Variants in SAMD13 observed in about 807,000 individuals in gnomAD.
SAMD13 encodes sterile alpha motif domain-containing protein 13.
A neutral mutation model predicts 12.4 loss-of-function variants in SAMD13; 9 were observed. The ratio of observed to expected loss-of-function variants is 0.72; its 90% CI spans 0.44 to 1.26. SAMD13 has a LOEUF of 1.26. Ranked by LOEUF, SAMD13 falls within the 50% of genes most tolerant of loss-of-function variation. The pLI is 0.00. For missense variants in SAMD13, 84 were observed against 119.6 expected (o/e 0.70, Z 1.39); for synonymous variants, 46 against 45.4 (o/e 1.01, Z -0.05).
chr1:84,325,571 T>A (rs936343116), intron 2 of SAMD13, 66 bp from the exon 3 acceptor site: 8 of 953,510 alleles, frequency 8.4e-6, no homozygotes, highest in Admixed American at 1.8e-5. Context: ...GAAGACCCAT[T>A]TGTGAGCCTG....
At chr1:84,341,167 A>G (rs1370604792) in intron 3 of SAMD13, among the ~76,000 whole-genome samples, 2 of 152,166 alleles carry the variant, frequency 1.3e-5, no homozygotes, top group African/African-American at 2.4e-5. Context: ...CAGGTTGGTC[A>G]TATCTAACCA....
At chr1:84,332,808 G>A (rs910783915) in intron 3 of SAMD13, among the ~76,000 whole-genome samples, 4 of 151,976 alleles carry the variant, frequency 2.6e-5, no homozygotes, top group African/African-American at 7.2e-5. Flanking sequence ...TTGCCAGGGC[G>A]TATGTCCAGA....
intron 2 of SAMD13, among the ~76,000 whole-genome samples, chr1:84,305,246 C>G (rs1176848656): frequency 6.6e-6 from 1 of 152,050 alleles, no homozygotes; most frequent in Non-Finnish European, 1.5e-5. Context: ...AGTTTTATTT[C>G]CCTAATGACT....
chr1:84,327,400 A>G (rs771566311), intron 3 of SAMD13, among the ~76,000 whole-genome samples: 2 of 152,086 alleles, frequency 1.3e-5, no homozygotes, highest in African/African-American at 4.8e-5. Flanking sequence ...AATCAGTGGT[A>G]AAAAAACAAT....
rs562971320 is a variant in SAMD13, at chr1:84,324,484, C to A, written c.54-1153C>A. On this transcript the variant is annotated intron_variant, in intron 2 of 3. Coordinates refer to ENST00000394834, the MANE Select transcript of SAMD13 (RefSeq NM_001134663.2). The stretch of plus-strand genomic sequence containing the variant: ...AACTATCATAGTAAATGATGCTTGT[C>A]CTTCTTAGCATTTAGCATAACTTGC... 3.9e-5 allele frequency among the ~76,000 whole-genome samples: 6 copies of A among 152,306 alleles called. No homozygotes were observed. The East Asian group carries it at 1.2e-3, about 29-fold the overall frequency.
chr1:84,308,709 A>C (rs1195180690), intron 2 of SAMD13, among the ~76,000 whole-genome samples: 1 of 152,226 alleles, frequency 6.6e-6, no homozygotes, highest in Non-Finnish European at 1.5e-5. Flanking sequence ...GTAAAATATT[A>C]ACATTTTGGA....
intron 3 of SAMD13, among the ~76,000 whole-genome samples, chr1:84,328,412 A>G (rs1679104262): frequency 6.6e-6 from 1 of 152,216 alleles, no homozygotes; most frequent in South Asian, 2.1e-4. Flanking sequence ...GAGTTTTGCA[A>G]GCATGGTCCA....
At chr1:84,329,708 G>T (rs1013125276) in intron 3 of SAMD13, among the ~76,000 whole-genome samples, 3 of 152,142 alleles carry the variant, frequency 2.0e-5, no homozygotes, top group Non-Finnish European at 4.4e-5. Context: ...TTCTCTTCTG[G>T]CAATCCTCTT....
At chr1:84,311,178 A>T (rs1678700981) in intron 2 of SAMD13, among the ~76,000 whole-genome samples, 1 of 152,010 alleles carries the variant, frequency 6.6e-6, no homozygotes, top group Non-Finnish European at 1.5e-5. Flanking sequence ...TCTACTAAAA[A>T]TACAAAAATT....
At chr1:84,348,173 C>T (rs1048301178) in intron 3 of SAMD13, among the ~76,000 whole-genome samples, 3 of 152,098 alleles carry the variant, frequency 2.0e-5, no homozygotes, top group Non-Finnish European at 2.9e-5. Context: ...TTTGCAAGAG[C>T]GGTTTCTCAC....
chr1:84,327,492 C>T (rs1414258898), intron 3 of SAMD13, among the ~76,000 whole-genome samples: 3 of 152,076 alleles, frequency 2.0e-5, no homozygotes, highest in South Asian at 4.2e-4. Context: ...GTGATGGTAA[C>T]ATTCTGTATC....
upstream of SAMD13, chr1:84,299,681 T>G (rs199745386): frequency 5.6e-6 from 3 of 538,564 alleles, no homozygotes; most frequent in Admixed American, 1.2e-4. Context: ...ATATATTTAT[T>G]TATTTATTTA....
chr1:84,344,848 C>T (rs781659719), intron 3 of SAMD13: 38 of 455,820 alleles, frequency 8.3e-5, no homozygotes, highest in Non-Finnish European at 1.5e-4. Context: ...GAGGTCTTGT[C>T]TGATGCCAGG....
At chr1:84,333,381 T>C (rs1679231425) in intron 3 of SAMD13, among the ~76,000 whole-genome samples, 1 of 152,196 alleles carries the variant, frequency 6.6e-6, no homozygotes, top group African/African-American at 2.4e-5. Context: ...ATCTCTGATT[T>C]CTTTCAGTAG....
At chr1:84,344,138 A>T (rs957060595) in intron 3 of SAMD13, among the ~76,000 whole-genome samples, 7 of 151,858 alleles carry the variant, frequency 4.6e-5, no homozygotes, top group African/African-American at 1.7e-4. Context: ...GAAAATATTA[A>T]ATAGCACTAG....
At chr1:84,299,677 T>TA (rs768200933), upstream of SAMD13, 10,486 of 310,908 alleles carry the variant, frequency 0.034, 31 homozygotes, top group Non-Finnish European at 0.038. Context: ...ATATATATAT[T>TA]TATTTATTTA....
rs189905272 is a variant in SAMD13, at chr1:84,328,721, A to G, written c.165+2973A>G. Among the ~76,000 whole-genome samples, 50 of 152,222 alleles carry G rather than the reference A, an allele frequency of 3.3e-4. 1 individual carries two copies. The highest frequency in any genetic ancestry group is 1.1e-3 in the African/African-American group (46 of 41,530). Reference sequence around the variant, plus strand: ...CTGGCAATGAACCTAGTTGGTTAGCACCCACTCATCATCCTGATTAGAAAA... The same window carrying G: ...CTGGCAATGAACCTAGTTGGTTAGCGCCCACTCATCATCCTGATTAGAAAA... On this transcript the variant is annotated intron_variant, in intron 3 of 3. Transcript: ENST00000394834.
At chr1:84,308,619 G>A (rs1185625492) in intron 2 of SAMD13, among the ~76,000 whole-genome samples, 1 of 152,058 alleles carries the variant, frequency 6.6e-6, no homozygotes, top group Non-Finnish European at 1.5e-5. Context: ...TAAAGATCAT[G>A]GAATTTTAAA....
chr1:84,340,005 G>A (rs1679389666), intron 3 of SAMD13, among the ~76,000 whole-genome samples: 1 of 152,210 alleles, frequency 6.6e-6, no homozygotes, highest in Admixed American at 6.5e-5. Flanking sequence ...CTATAAAATG[G>A]TGCATCTGTT....
Sources: gnomAD v4.1 joint callset for allele counts (sites outside exome capture counted in the v4.1 genomes callset) on GRCh38, gnomAD v4.1.1 for gene constraint, MANE v1.5 for transcripts, NCBI Gene and HGNC (gene_info 2026-07-23, HGNC 2026-07-21) for gene names.